Variants in ZNF599 observed in about 807,000 individuals in gnomAD.
The protein encoded by ZNF599 is zinc finger protein 599.
ZNF599 carries 10 observed loss-of-function variants against 11.7 expected under a neutral mutation model. The observed-to-expected ratio is 0.86, with a 90% CI of 0.53 to 1.45. The LOEUF (loss-of-function observed/expected upper bound fraction) is 1.45. Among genes scored for constraint, ZNF599 ranks in the 40% most tolerant of loss-of-function variants. The pLI is 0.00. For missense variants in ZNF599, 688 were observed against 713.6 expected (o/e 0.96, Z 0.41); for synonymous variants, 232 against 253.2 (o/e 0.92, Z 0.79).
At chr19:34,798,803 T>C in the ZNF599 span, among the ~76,000 whole-genome samples, 2 of 152,232 alleles carry the variant, frequency 1.3e-5, no homozygotes, top group South Asian at 4.1e-4. Context: ...TTAATTTGCA[T>C]ACATTAAGGT....
At chr19:34,788,198 T>A in the ZNF599 span, among the ~76,000 whole-genome samples, 1 of 152,152 alleles carries the variant, frequency 6.6e-6, no homozygotes, top group Non-Finnish European at 1.5e-5. Context: ...CTGTGCAGGA[T>A]CCTGGAACCA....
chr19:34,804,299 T>G, the ZNF599 span, among the ~76,000 whole-genome samples: 1 of 152,254 alleles, frequency 6.6e-6, no homozygotes, highest in African/African-American at 2.4e-5. Context: ...TGTATCCACA[T>G]GAATGTCTAT....
At chr19:34,786,241 A>G in the ZNF599 span, among the ~76,000 whole-genome samples, 1 of 152,104 alleles carries the variant, frequency 6.6e-6, no homozygotes, top group Non-Finnish European at 1.5e-5. Flanking sequence ...AGCTTACCAG[A>G]ATCCCCCCTT....
chr19:34,792,885 C>T, the ZNF599 span, among the ~76,000 whole-genome samples: 1 of 151,886 alleles, frequency 6.6e-6, no homozygotes, highest in African/African-American at 2.4e-5. Flanking sequence ...AGATATTAAT[C>T]CTCGTGCTAT....
At chr19:34,786,665 T>C in the ZNF599 span, among the ~76,000 whole-genome samples, 3,741 of 152,254 alleles carry the variant, frequency 0.025, 65 homozygotes, top group Middle Eastern at 0.12. Context: ...CAAACAGCAT[T>C]CCAGTTGGCC....
the ZNF599 span, among the ~76,000 whole-genome samples, chr19:34,801,705 G>A: frequency 1.3e-5 from 2 of 152,216 alleles, no homozygotes; most frequent in South Asian, 4.1e-4. Context: ...CAGTGGTGCT[G>A]TATGGCTTTT....
chr19:34,775,044 G>A (rs566365604), upstream of ZNF599, among the ~76,000 whole-genome samples: 163 of 152,200 alleles, frequency 1.1e-3, no homozygotes, highest in Middle Eastern at 3.4e-3. Context: ...TGCTACACTG[G>A]CTCCCCCTTT....
the ZNF599 span, among the ~76,000 whole-genome samples, chr19:34,781,481 G>T: frequency 1.3e-5 from 2 of 152,198 alleles, no homozygotes; most frequent in African/African-American, 2.4e-5. Flanking sequence ...GCTTGAGTGG[G>T]AGAGAACAGC....
the ZNF599 span, among the ~76,000 whole-genome samples, chr19:34,795,925 G>A: frequency 2.0e-5 from 3 of 152,124 alleles, no homozygotes; most frequent in African/African-American, 4.8e-5. Flanking sequence ...AGGTTCAAGC[G>A]ATTCTCCTGT....
intron 3 of ZNF599, chr19:34,765,533 A>C: frequency 1.4e-6 from 1 of 702,360 alleles, no homozygotes; most frequent in Non-Finnish European, 2.6e-6. Flanking sequence ...GTTACATATT[A>C]ATAGTAGATG....
chr19:34,790,550 T>C, the ZNF599 span, among the ~76,000 whole-genome samples: 1 of 152,062 alleles, frequency 6.6e-6, no homozygotes, highest in South Asian at 2.1e-4. Context: ...CATTTATATG[T>C]GGAATCAAGA....
At chr19:34,782,367 T>C in the ZNF599 span, among the ~76,000 whole-genome samples, 408 of 152,148 alleles carry the variant, frequency 2.7e-3, 3 homozygotes, top group Non-Finnish European at 1.1e-3. Flanking sequence ...AGCCAAATAG[T>C]GATCTTCTTA....
chr19:34,770,792 T>C (rs1339829209), intron 1 of ZNF599, among the ~76,000 whole-genome samples: 1 of 152,176 alleles, frequency 6.6e-6, no homozygotes, highest in Non-Finnish European at 1.5e-5. Context: ...GTGACAAGCC[T>C]TGGTGTCACT....
chr19:34,783,710 C>T, the ZNF599 span, among the ~76,000 whole-genome samples: 1 of 152,116 alleles, frequency 6.6e-6, no homozygotes, highest in Non-Finnish European at 1.5e-5. Flanking sequence ...TACAAGGGGC[C>T]CAACGCCATC....
the ZNF599 span, among the ~76,000 whole-genome samples, chr19:34,799,136 G>T: frequency 1.3e-5 from 2 of 151,980 alleles, no homozygotes; most frequent in Non-Finnish European, 2.9e-5. Context: ...CGGAGTAGCT[G>T]GGACCACAGG....
At chr19:34,777,356 A>ATT (rs2069221820), upstream of ZNF599, among the ~76,000 whole-genome samples, 1 of 91,706 alleles carries the variant, frequency 1.1e-5, no homozygotes, top group Non-Finnish European at 2.0e-5. Context: ...TATATATTAT[A>ATT]TATTAATATA....
At chr19:34,785,856 A>G in the ZNF599 span, among the ~76,000 whole-genome samples, 14 of 152,164 alleles carry the variant, frequency 9.2e-5, no homozygotes, top group Admixed American at 8.5e-4. Flanking sequence ...CTGTTTGGCC[A>G]TTGTCATGGA....
At chr19:34,798,473 T>C in the ZNF599 span, among the ~76,000 whole-genome samples, 1 of 152,220 alleles carries the variant, frequency 6.6e-6, no homozygotes, top group Non-Finnish European at 1.5e-5. Context: ...TATAAATTCC[T>C]ACTCCAACAG....
At chr19:34,762,822 G>T (rs936550813) in intron 3 of ZNF599, 3 of 152,048 alleles carry the variant, frequency 2.0e-5, no homozygotes, top group South Asian at 2.1e-4. Context: ...TTATTTTTTT[G>T]AGGTTTATCA....
Sources: allele counts gnomAD v4.1 joint callset (sites outside exome capture counted in the v4.1 genomes callset), GRCh38; gene constraint gnomAD v4.1.1; transcripts MANE v1.5; gene names NCBI Gene and HGNC (gene_info 2026-07-23, HGNC 2026-07-21).